MCC: variants seen among roughly 807,000 people sequenced by gnomAD.
The protein encoded by MCC is MCC regulator of Wnt signaling pathway.
MCC carries 90 observed loss-of-function variants against 116.2 expected under a neutral mutation model. The observed-to-expected ratio is 0.77, with a 90% CI of 0.65 to 0.92. The LOEUF (loss-of-function observed/expected upper bound fraction) is 0.92. Among genes scored for constraint, MCC ranks in the 40% least tolerant of loss-of-function variants. The probability of loss-of-function intolerance (pLI) is 0.00; values close to 1 mark genes in which losing one functional copy is unlikely to be tolerated. For missense variants in MCC, 1,516 were observed against 1,312.2 expected (o/e 1.16, Z -2.40); for synonymous variants, 578 against 510.5 (o/e 1.13, Z -1.78).
At chr5:113,367,910 T>A (rs985293025) in intron 2 of MCC, among the ~76,000 whole-genome samples, 2 of 152,094 alleles carry the variant, frequency 1.3e-5, no homozygotes, top group Non-Finnish European at 2.9e-5. Context: ...GCAACCTTGC[T>A]TATCTCCTAA....
chr5:113,308,442 A>T (rs561231893), intron 3 of MCC, among the ~76,000 whole-genome samples: 1 of 152,300 alleles, frequency 6.6e-6, no homozygotes, highest in Admixed American at 6.5e-5. Context: ...TACTGCCCCA[A>T]ACCAGAGAGT....
At chr5:113,416,373 C>A (rs1770148495) in intron 1 of MCC, among the ~76,000 whole-genome samples, 1 of 151,964 alleles carries the variant, frequency 6.6e-6, no homozygotes, top group African/African-American at 2.4e-5. Context: ...GTGCTATGAT[C>A]ACACCTGTGA....
intron 3 of MCC, among the ~76,000 whole-genome samples, chr5:113,186,346 C>G (rs1761896494): frequency 6.6e-6 from 1 of 152,122 alleles, no homozygotes; most frequent in Non-Finnish European, 1.5e-5. Context: ...CCCTTACACC[C>G]CCTCATTTGG....
intron 1 of MCC, among the ~76,000 whole-genome samples, chr5:113,483,233 T>C (rs1772425379): frequency 6.6e-6 from 1 of 152,190 alleles, no homozygotes; most frequent in Non-Finnish European, 1.5e-5. Context: ...TTTTTCAAGA[T>C]TGTTTTGACT....
chr5:113,459,303 C>T (rs994500154), intron 1 of MCC, among the ~76,000 whole-genome samples: 68 of 151,578 alleles, frequency 4.5e-4, no homozygotes, highest in African/African-American at 1.6e-3. Context: ...GGAGGGAGGC[C>T]GAGGCGGGTG....
At chr5:113,318,684 G>A (rs538119730) in intron 3 of MCC, among the ~76,000 whole-genome samples, 9 of 152,174 alleles carry the variant, frequency 5.9e-5, no homozygotes, top group Non-Finnish European at 8.8e-5. Context: ...CTATGGGAGG[G>A]TGGAGGGTGG....
At chr5:113,219,270 C>T (rs1313138107) in intron 3 of MCC, among the ~76,000 whole-genome samples, 1 of 152,184 alleles carries the variant, frequency 6.6e-6, no homozygotes, top group Non-Finnish European at 1.5e-5. Context: ...TTGGGAGGTG[C>T]CGTGCAGTCT....
chr5:113,099,050 G>A (rs1756228950), intron 8 of MCC, among the ~76,000 whole-genome samples: 2 of 151,826 alleles, frequency 1.3e-5, no homozygotes, highest in South Asian at 4.2e-4. Flanking sequence ...GGTGAGTGAC[G>A]GCTGGAAGAA....
chr5:113,380,163 A>C (rs888923590), intron 2 of MCC, among the ~76,000 whole-genome samples: 4 of 152,224 alleles, frequency 2.6e-5, no homozygotes, highest in African/African-American at 9.6e-5. Context: ...CGAGGCTGAC[A>C]ATAAACTTCT....
At chr5:113,443,824 C>A (rs536629636) in intron 1 of MCC, among the ~76,000 whole-genome samples, 17 of 152,250 alleles carry the variant, frequency 1.1e-4, no homozygotes, top group Admixed American at 3.9e-4. Flanking sequence ...GTTGAACCAG[C>A]CTTGCATCCC....
chr5:113,156,509 C>T (rs1300416728), intron 3 of MCC, among the ~76,000 whole-genome samples: 3 of 152,120 alleles, frequency 2.0e-5, no homozygotes, highest in Admixed American at 1.3e-4. Context: ...CCTGGAGAAG[C>T]GTTATCACCT....
At chr5:113,311,551 G>A (rs927285182) in intron 3 of MCC, among the ~76,000 whole-genome samples, 5 of 152,162 alleles carry the variant, frequency 3.3e-5, no homozygotes, top group African/African-American at 1.2e-4. Flanking sequence ...CTGCCCTGCC[G>A]ACCTGCAACT....
chr5:113,294,437 A>T (rs771337772), intron 3 of MCC: 1 of 1,612,512 alleles, frequency 6.2e-7, no homozygotes, highest in Admixed American at 1.7e-5. Flanking sequence ...GGAGCTTAAG[A>T]GTTGGACTTC....
At chr5:113,235,802 G>A (rs1425411862) in intron 3 of MCC, among the ~76,000 whole-genome samples, 1 of 152,166 alleles carries the variant, frequency 6.6e-6, no homozygotes, top group East Asian at 1.9e-4. Flanking sequence ...TCATTTTGAG[G>A]GGGTATTCTT....
At chr5:113,380,395 T>C (rs1769088244) in intron 2 of MCC, among the ~76,000 whole-genome samples, 1 of 152,260 alleles carries the variant, frequency 6.6e-6, no homozygotes, top group Non-Finnish European at 1.5e-5. Flanking sequence ...TGTCACTTAA[T>C]TTGTCATGTG....
chr5:113,146,589 G>A (rs1158943995), intron 4 of MCC, among the ~76,000 whole-genome samples: 1 of 152,178 alleles, frequency 6.6e-6, no homozygotes, highest in East Asian at 1.9e-4. Context: ...ACACAAGGGG[G>A]TGTAAAACAG....
At chr5:113,091,530 G>A (rs1361776817) in intron 8 of MCC, among the ~76,000 whole-genome samples, 1 of 152,094 alleles carries the variant, frequency 6.6e-6, no homozygotes, top group Non-Finnish European at 1.5e-5. Flanking sequence ...AGAGATAAGG[G>A]GAATAATTTC....
chr5:113,128,818 A>G (rs911227803), intron 5 of MCC, among the ~76,000 whole-genome samples: 4 of 152,248 alleles, frequency 2.6e-5, no homozygotes, highest in African/African-American at 9.6e-5. Flanking sequence ...TAATCAGAAC[A>G]ACATGTTTTG....
At chr5:113,028,082 C>A (rs1750694174) in intron 18 of MCC, among the ~76,000 whole-genome samples, 1 of 152,192 alleles carries the variant, frequency 6.6e-6, no homozygotes, top group Non-Finnish European at 1.5e-5. Context: ...CAGGTAGGTC[C>A]ATTCCATGTA....
Sources: gnomAD v4.1 joint callset for allele counts (sites outside exome capture counted in the v4.1 genomes callset) on GRCh38, gnomAD v4.1.1 for gene constraint, MANE v1.5 for transcripts, NCBI Gene and HGNC (gene_info 2026-07-23, HGNC 2026-07-21) for gene names.